CGNL1: variants seen among roughly 807,000 people sequenced by gnomAD.
CGNL1 encodes cingulin-like protein 1.
A neutral mutation model predicts 141.2 loss-of-function variants in CGNL1; 132 were observed. The observed-to-expected ratio is 0.93, with a 90% CI of 0.81 to 1.08. The LOEUF (loss-of-function observed/expected upper bound fraction) is 1.08. Ranked by LOEUF, CGNL1 falls within the 50% of genes least tolerant of loss-of-function variation. The probability of loss-of-function intolerance (pLI) is 0.00; values close to 1 mark genes in which losing one functional copy is unlikely to be tolerated. For missense variants in CGNL1, 1,870 were observed against 1,588.6 expected (o/e 1.18, Z -3.01); for synonymous variants, 690 against 622.1 (o/e 1.11, Z -1.63).
chr15:57,482,863 C>T (rs2063742865), intron 8 of CGNL1, among the ~76,000 whole-genome samples: 1 of 151,834 alleles, frequency 6.6e-6, no homozygotes, highest in Non-Finnish European at 1.5e-5. Context: ...CTGCTCACTG[C>T]AACCTCTGCC....
At chr15:57,496,561 C>T (rs2063941582) in intron 8 of CGNL1, among the ~76,000 whole-genome samples, 1 of 152,182 alleles carries the variant, frequency 6.6e-6, no homozygotes, top group African/African-American at 2.4e-5. Context: ...GAAACTGGTC[C>T]CTGGTGCCAA....
rs369914962 is a variant in CGNL1 at position 57,528,724 on chromosome 15, T to C, written c.3110T>C (p.Leu1037Pro). The C allele has an allele frequency of 1.2e-6, 2 of 1,614,004 alleles. No individual in the cohort carries two copies. Among genetic ancestry groups the C allele is most frequent in the African/African-American group, 1.3e-5 (1 of 74,900 alleles). Residue 1037 changes from leucine (L) to proline (P), a missense_variant, in exon 13 of 19, where the codon CTT (leucine) becomes CCT (proline). Coordinates refer to ENST00000281282, the MANE Select transcript of CGNL1 (RefSeq NM_032866.5). ...AQDEALTKRQ[L>P]LEQTLKDLEY... ...GATGAAGCACTCACAAAAAGGCAGC[T>C]TCTGGAGCAGACGCTGAAGGACCTG...
intron 10 of CGNL1, among the ~76,000 whole-genome samples, chr15:57,521,691 T>C (rs942505010): frequency 1.3e-5 from 2 of 152,156 alleles, no homozygotes; most frequent in African/African-American, 4.8e-5. Flanking sequence ...GTGGTGTCTT[T>C]TGTGGTTCAG....
intron 13 of CGNL1, 44 bp downstream of exon 13, chr15:57,528,859 G>C: frequency 6.3e-7 from 1 of 1,591,854 alleles, no homozygotes; most frequent in Non-Finnish European, 8.6e-7. Context: ...TGCAGAGAGC[G>C]AGGCTGGGCC....
Position 57,454,168 on chromosome 15 carries a change from C to T in CGNL1, c.2190+350C>T, listed in dbSNP as rs2152325302. Among the ~76,000 whole-genome samples the T allele has an allele frequency of 2.6e-5, 4 of 152,244 alleles. No individual in the cohort carries two copies. In the South Asian group the frequency reaches 8.3e-4, roughly 32 times the overall value. Reference sequence around the variant, plus strand: ...TCAGAAAAAGACAGGACTTTTATCTCTGCACCCATTTAGGTGTTTGATGTT... The same window carrying T: ...TCAGAAAAAGACAGGACTTTTATCTTTGCACCCATTTAGGTGTTTGATGTT... On this transcript the variant is annotated intron_variant, in intron 7 of 18. Transcript: ENST00000281282.
intron 14 of CGNL1, among the ~76,000 whole-genome samples, chr15:57,536,114 G>A (rs192744861): frequency 5.7e-4 from 87 of 152,334 alleles, no homozygotes; most frequent in African/African-American, 2.0e-3. Flanking sequence ...GCAAAGGCAT[G>A]TCTTACATGG....
chr15:57,421,607 GA>G (rs537931636), intron 1 of CGNL1, among the ~76,000 whole-genome samples: 10 of 152,002 alleles, frequency 6.6e-5, no homozygotes, highest in African/African-American at 1.2e-4. Flanking sequence ...CTAACTGAAG[GA>G]AAAAATGGCC....
chr15:57,437,960 T>C lies in CGNL1; in HGVS notation c.-15-25T>C, dbSNP rs199798727. 2.4e-5 allele frequency: 38 copies of C among 1,578,186 alleles called. No individual in the cohort carries two copies. In the Admixed American group the frequency reaches 4.7e-4, roughly 20 times the overall value. ...GATGTAATTCTAACCTAATGTCCTC[T>C]TTTTACCCCATCTCTCCCTGGTAGC... On this transcript the variant is annotated intron_variant, in intron 1 of 18. Transcript: ENST00000281282.
At chr15:57,546,473 T>C (rs1352871230) in intron 18 of CGNL1, among the ~76,000 whole-genome samples, 2 of 152,068 alleles carry the variant, frequency 1.3e-5, no homozygotes, top group African/African-American at 4.8e-5. Flanking sequence ...CTGAGCTGGG[T>C]AGATATCATC....
At chr15:57,504,047 T>C (rs2064065665) in intron 8 of CGNL1, among the ~76,000 whole-genome samples, 1 of 152,074 alleles carries the variant, frequency 6.6e-6, no homozygotes, top group Non-Finnish European at 1.5e-5. Flanking sequence ...TGGCATGGCA[T>C]TGCTCTTCCA....
intron 8 of CGNL1, among the ~76,000 whole-genome samples, chr15:57,476,135 C>T (rs962042469): frequency 1.3e-5 from 2 of 152,104 alleles, no homozygotes; most frequent in Admixed American, 6.5e-5. Flanking sequence ...ACAGCCAGTT[C>T]GGTGTGGGGC....
At chr15:57,465,004 G>A (rs572663245) in intron 8 of CGNL1, among the ~76,000 whole-genome samples, 5 of 152,002 alleles carry the variant, frequency 3.3e-5, no homozygotes, top group South Asian at 2.1e-4. Flanking sequence ...TGCCCACCTC[G>A]GCCTCCCAAA....
chr15:57,455,169 T>C (rs1263780805), intron 7 of CGNL1, among the ~76,000 whole-genome samples: 1 of 151,918 alleles, frequency 6.6e-6, no homozygotes, highest in Non-Finnish European at 1.5e-5. Context: ...TTCTCCTACA[T>C]TTTTTTTCCC....
intron 8 of CGNL1, among the ~76,000 whole-genome samples, chr15:57,489,259 G>A (rs2063825816): frequency 6.6e-6 from 1 of 152,082 alleles, no homozygotes; most frequent in Non-Finnish European, 1.5e-5. Context: ...CAAATAACAG[G>A]GAAATAACAT....
At chr15:57,497,377 AG>A (rs2063955617) in intron 8 of CGNL1, among the ~76,000 whole-genome samples, 1 of 18,260 alleles carries the variant, frequency 5.5e-5, no homozygotes, top group Non-Finnish European at 1.1e-4. Context: ...TAGGGGGAGC[AG>A]GGTGGGGCGG....
chr15:57,537,902 A>G (rs2032348548), intron 14 of CGNL1, among the ~76,000 whole-genome samples: 1 of 152,266 alleles, frequency 6.6e-6, no homozygotes, highest in Non-Finnish European at 1.5e-5. Context: ...GGTAAACAAC[A>G]TAGAAAGCAC....
chr15:57,484,720 C>G (rs1469921210), intron 8 of CGNL1, among the ~76,000 whole-genome samples: 1 of 152,052 alleles, frequency 6.6e-6, no homozygotes, highest in Non-Finnish European at 1.5e-5. Context: ...CCCCTTACCC[C>G]CCAATCCACT....
intron 1 of CGNL1, among the ~76,000 whole-genome samples, chr15:57,408,584 C>G (rs1595672090): frequency 1.3e-5 from 2 of 152,084 alleles, no homozygotes; most frequent in East Asian, 3.9e-4. Flanking sequence ...GTTGCCCAGG[C>G]TGGTCTTAAA....
chr15:57,458,936 G>A (rs1327972753), intron 7 of CGNL1, among the ~76,000 whole-genome samples: 2 of 152,340 alleles, frequency 1.3e-5, no homozygotes, highest in South Asian at 2.1e-4. Context: ...CTTAGTCTGT[G>A]CAATGCAGCC....
Sources: allele counts gnomAD v4.1 joint callset (sites outside exome capture counted in the v4.1 genomes callset), GRCh38; gene constraint gnomAD v4.1.1; transcripts MANE v1.5; gene names NCBI Gene and HGNC (gene_info 2026-07-23, HGNC 2026-07-21).